The following LRRC8C variants were observed in gnomAD, a reference collection of about 807,000 sequenced individuals.
LRRC8C encodes leucine rich repeat containing 8 VRAC subunit C.
A neutral mutation model predicts 55.3 loss-of-function variants in LRRC8C; 20 were observed. The ratio of observed to expected loss-of-function variants is 0.36; its 90% confidence interval spans 0.25 to 0.53. LRRC8C has a LOEUF of 0.53. Ranked by LOEUF, LRRC8C falls within the 20% of genes least tolerant of loss-of-function variation. The pLI is 0.92. For missense variants in LRRC8C, 659 were observed against 951.4 expected, an observed-to-expected ratio of 0.69 and a Z score of 4.04; for synonymous variants, 376 against 360.7, an observed-to-expected ratio of 1.04 and a Z score of -0.48.
chr1:89,658,727 AAT>A (rs1458371130), intron 1 of LRRC8C, among the ~76,000 whole-genome samples: 1 of 152,208 alleles, frequency 6.6e-6, no homozygotes, highest in Non-Finnish European at 1.5e-5. Flanking sequence ...GTTTCTTGAA[AAT>A]ATGTATGTAC....
At chr1:89,684,855 T>C (rs1657824475) in intron 1 of LRRC8C, among the ~76,000 whole-genome samples, 1 of 152,156 alleles carries the variant, frequency 6.6e-6, no homozygotes, top group African/African-American at 2.4e-5. Context: ...TTAAGAAAAG[T>C]TGTGTTTCAG....
At chr1:89,629,200 T>C (rs982521180), upstream of LRRC8C, among the ~76,000 whole-genome samples, 1 of 152,256 alleles carries the variant, frequency 6.6e-6, no homozygotes, top group Non-Finnish European at 1.5e-5. Flanking sequence ...AGCATTTATC[T>C]TGCAGGTATT....
Position 89,686,620 on chromosome 1 carries a change from C to T in LRRC8C, c.138+9C>T, listed in dbSNP as rs1353745461. On this transcript the variant is annotated intron_variant, in intron 2 of 2. Transcript: ENST00000370454. ...TTGGATGTACTTTACAGGTAGGTGC[C>T]TAGATCCCTGGCAAAATGGGGGCCA... The T allele has an allele frequency of 3.1e-6, 5 of 1,613,564 alleles. 1 individual carries two copies. The highest frequency in any genetic ancestry group is 4.2e-6 in the Non-Finnish European group (5 of 1,179,916).
chr1:89,710,752 A>G (rs982686860), intron 2 of LRRC8C, among the ~76,000 whole-genome samples: 1 of 152,212 alleles, frequency 6.6e-6, no homozygotes, highest in African/African-American at 2.4e-5. Context: ...TGCATAGGAC[A>G]TGGCAAGCAG....
chr1:89,643,017 CA>C (rs34145647), intron 1 of LRRC8C, among the ~76,000 whole-genome samples: 3,439 of 109,384 alleles, frequency 0.031, 84 homozygotes, highest in African/African-American at 0.1. Context: ...GACTGTGTCT[CA>C]AAAAAAAAAA....
intron 2 of LRRC8C, among the ~76,000 whole-genome samples, chr1:89,708,313 C>T (rs1048469239): frequency 6.6e-6 from 1 of 152,098 alleles, no homozygotes; most frequent in Non-Finnish European, 1.5e-5. Flanking sequence ...CTCCCTGCCC[C>T]TACTCCAAGC....
In LRRC8C at chr1:89,713,719, C is replaced by T; in HGVS notation, c.1149C>T (p.Leu383=). The T allele has an allele frequency of 6.2e-7, 1 of 1,614,210 alleles. No homozygotes were observed. Among genetic ancestry groups the T allele is most frequent in the Non-Finnish European group, 8.5e-7 (1 of 1,180,040 alleles). The change falls in exon 3 of 3, where the codon CTC becomes CTT. Residue 383 remains leucine (L), a synonymous_variant. Transcript: ENST00000370454. This position sits in a 1 kb window ranked among gnomAD's most constrained non-coding sequence, Gnocchi z 5.2. ...ATATGATAGATCAGTATGACCCTCTCTATTCCAAGAGATTTGCAGTGTTCC... is the reference window on the plus strand; with the variant it reads ...ATATGATAGATCAGTATGACCCTCTTTATTCCAAGAGATTTGCAGTGTTCC... ...MLHMIDQYDP[L]YSKRFAVFLS...
At position 89,717,564 on chromosome 1, in the gene LRRC8C, T is replaced by C. The variant is rs1330733625; in HGVS notation, c.*2582T>C. The C allele has an allele frequency of 6.6e-6, 1 of 152,152 alleles. No individual in the cohort carries two copies. Among genetic ancestry groups the C allele is most frequent in the Non-Finnish European group, 1.5e-5 (1 of 68,026 alleles). 9.4% of individuals were successfully genotyped at this position (152,152 alleles called of 1,614,324 possible). On this transcript the variant is annotated 3_prime_UTR_variant, in exon 3 of 3. Transcript: ENST00000370454. ...AACTAAGAAGGAAAATTCATAGATATTCCTATTAGATTTTATAAACCTTCA... is the reference window on the plus strand; with the variant it reads ...AACTAAGAAGGAAAATTCATAGATACTCCTATTAGATTTTATAAACCTTCA...
At position 89,717,328 on chromosome 1, in the gene LRRC8C, G is replaced by A. The variant is rs571924769; in HGVS notation, c.*2346G>A. The A allele has an allele frequency of 3.9e-5, 6 of 152,140 alleles. No homozygotes were observed. Among genetic ancestry groups the A allele is most frequent in the African/African-American group, 1.2e-4 (5 of 41,484 alleles). The allele number at this position is 152,140 out of a possible 1,614,324, so 9.4% of individuals were successfully genotyped here. On this transcript the variant is annotated 3_prime_UTR_variant, in exon 3 of 3. Transcript: ENST00000370454. Reference sequence around the variant, plus strand: ...GGGATCTCTTCAGGTTAAAAATCACGCTTATGCTGAAGTCTTTATCTGGTG... The same window carrying A: ...GGGATCTCTTCAGGTTAAAAATCACACTTATGCTGAAGTCTTTATCTGGTG...
intron 1 of LRRC8C, among the ~76,000 whole-genome samples, chr1:89,675,211 A>G (rs1415560593): frequency 6.6e-6 from 1 of 152,250 alleles, no homozygotes; most frequent in African/African-American, 2.4e-5. Flanking sequence ...AAAAACAAAA[A>G]CAAAAAACCT....
In LRRC8C at chr1:89,644,238, A is replaced by G. The variant is rs531466927; in HGVS notation, c.-5+10916A>G. On this transcript the variant is annotated intron_variant, in intron 1 of 2. Transcript: ENST00000370454. Reference sequence around the variant, plus strand: ...TGCCCAGGCTGGAGTGCAGGGGCACAATCTCGGCCCACTGCAACCTTCACC... The same window carrying G: ...TGCCCAGGCTGGAGTGCAGGGGCACGATCTCGGCCCACTGCAACCTTCACC... Among the ~76,000 whole-genome samples, 29 of 152,326 alleles carry G rather than the reference A, an allele frequency of 1.9e-4. No homozygotes were observed. The East Asian group carries it at 5.4e-3, about 28-fold the overall frequency.
At chr1:89,660,980 C>T (rs1570703551) in intron 1 of LRRC8C, among the ~76,000 whole-genome samples, 1 of 152,160 alleles carries the variant, frequency 6.6e-6, no homozygotes, top group East Asian at 1.9e-4. Flanking sequence ...GCTCTGGACT[C>T]CTCTGGTAGC....
Position 89,714,807 on chromosome 1 carries a change from C to T in LRRC8C, c.2237C>T (p.Pro746Leu), listed in dbSNP as rs749404793. ...AAAAACAGCCTATCTGTACTTTCAC[C>T]GAAAATTGGAAATTTGCTATTTCTT... is the stretch of plus-strand genomic sequence containing the variant. ...IGKNSLSVLS[P>L]KIGNLLFLSY... The change falls in exon 3 of 3, where the codon CCG becomes CTG. Residue 746 changes from proline to leucine, a missense_variant. Around this residue, in one of 5 missense-constraint regions of LRRC8C, gnomAD observed 344 missense variants for 464.6 expected, o/e 0.74. Transcript: ENST00000370454. The surrounding 1 kb of genome is among the most constrained non-coding windows in gnomAD (Gnocchi z 4.6). 14 of 1,613,824 alleles carry T rather than the reference C, an allele frequency of 8.7e-6. No individual in the cohort carries two copies. Among genetic ancestry groups the T allele is most frequent in the African/African-American group, 1.3e-5 (1 of 74,888 alleles).
intron 1 of LRRC8C, among the ~76,000 whole-genome samples, chr1:89,655,303 C>T (rs1351093887): frequency 6.6e-6 from 1 of 151,952 alleles, no homozygotes; most frequent in South Asian, 2.1e-4. Flanking sequence ...CTTGCTAGCT[C>T]TCTGAGAATA....
In LRRC8C at chr1:89,714,010, A is replaced by G. The variant is rs780402524; in HGVS notation, c.1440A>G (p.Lys480=). 1.9e-6 allele frequency: 3 copies of G among 1,613,456 alleles called. No homozygotes were observed. The highest frequency in any genetic ancestry group is 2.5e-6 in the Non-Finnish European group (3 of 1,180,032). Reference sequence around the variant, plus strand: ...TCTCTCTGCACCAGTGTTCTGTCAAAATCCACAGTGCGGCGCTCTCTTTCC... The same window carrying G: ...TCTCTCTGCACCAGTGTTCTGTCAAGATCCACAGTGCGGCGCTCTCTTTCC... ...QELSLHQCSV[K]IHSAALSFLK... is the part of the protein sequence containing the mutation. Residue 480 remains lysine (K), a synonymous_variant, in exon 3 of 3, where the codon AAA becomes AAG. Coordinates refer to ENST00000370454, the MANE Select transcript of LRRC8C (RefSeq NM_032270.5). The surrounding 1 kb of genome is among the most constrained non-coding windows in gnomAD (Gnocchi z 4.6).
upstream of LRRC8C, among the ~76,000 whole-genome samples, chr1:89,629,269 G>A (rs368201665): frequency 2.6e-5 from 4 of 152,162 alleles, no homozygotes; most frequent in South Asian, 2.1e-4. Context: ...AAACAACAAC[G>A]TTTTCTTTTA....
chr1:89,641,987 A>G (rs1656468995), intron 1 of LRRC8C, among the ~76,000 whole-genome samples: 1 of 152,224 alleles, frequency 6.6e-6, no homozygotes, highest in African/African-American at 2.4e-5. Context: ...ACAACCAGTA[A>G]GGCCAATGAG....
Position 89,712,761 on chromosome 1 carries a change from A to G in LRRC8C, c.191A>G (p.Asn64Ser). The G allele has an allele frequency of 6.2e-7, 1 of 1,614,062 alleles. No homozygotes were observed. Among genetic ancestry groups the G allele is most frequent in the Non-Finnish European group, 8.5e-7 (1 of 1,179,950 alleles). The change falls in exon 3 of 3, where the codon AAC (asparagine) becomes AGC (serine). Residue 64 changes from asparagine (N) to serine (S), a missense_variant. Asn to Ser is a conservative substitution (Grantham distance 46). Coordinates refer to ENST00000370454, the MANE Select transcript of LRRC8C (RefSeq NM_032270.5). ...CCGAAAAGAGTGCAGCCTGCTCAGA[A>G]CCACTCTTCCCTTTCGAATGTCTCT... ...CLPKRVQPAQ[N>S]HSSLSNVSQA...
intron 2 of LRRC8C, among the ~76,000 whole-genome samples, chr1:89,687,834 G>A (rs959855519): frequency 2.0e-5 from 3 of 152,176 alleles, no homozygotes; most frequent in Non-Finnish European, 4.4e-5. Flanking sequence ...GGGTAGATCA[G>A]CTGGAAAAGA....
Sources: allele counts gnomAD v4.1 joint callset (sites outside exome capture counted in the v4.1 genomes callset), GRCh38; gene constraint gnomAD v4.1.1; regional missense constraint gnomAD v4.1.1; non-coding constraint Gnocchi (gnomAD v3.1); transcripts MANE v1.5; gene names NCBI Gene and HGNC (gene_info 2026-07-23, HGNC 2026-07-21).